ANKRD30B: variants seen among roughly 807,000 people sequenced by gnomAD.
The protein encoded by ANKRD30B is ankyrin repeat domain 30B, also known as ankyrin repeat domain-containing protein 30B.
In ANKRD30B, 144 loss-of-function variants were observed where a neutral mutation model predicts 202.2. The observed-to-expected ratio is 0.71, with a 90% CI of 0.62 to 0.82. The LOEUF is 0.82. ANKRD30B is among the 40% of genes least tolerant of loss of function. ANKRD30B has a pLI of 0.00. For synonymous variants in ANKRD30B, 508 were observed against 561.3 expected (o/e 0.91, Z 1.34); for missense variants, 1,487 against 1,669.1 (o/e 0.89, Z 1.90).
chr18:14,876,047 A>C, the ANKRD30B span, among the ~76,000 whole-genome samples: 1 of 152,262 alleles, frequency 6.6e-6, no homozygotes, highest in East Asian at 1.9e-4. Context: ...GAGCAAGCCA[A>C]GTGTGCTTTG....
rs756862721 is a variant in ANKRD30B at position 14,763,673 on chromosome 18, G to A, written c.821-13G>A. 91 of 1,612,598 alleles carry A rather than the reference G, an allele frequency of 5.6e-5. No individual in the cohort carries two copies. The highest frequency in any genetic ancestry group is 6.5e-5 in the Non-Finnish European group (77 of 1,179,502). ...AGCAGAAAGAAAATTTAACCAGATT[G>A]TGTGTTTGGCAGAAGGAACATCTAC... On this transcript the variant is annotated splice_polypyrimidine_tract_variant and intron_variant, in intron 6 of 43. Transcript: ENST00000690538.
chr18:14,935,737 G>A, the ANKRD30B span, among the ~76,000 whole-genome samples: 1 of 152,214 alleles, frequency 6.6e-6, no homozygotes, highest in Non-Finnish European at 1.5e-5. Context: ...ACACGTGTAT[G>A]TGTGCATCTG....
chr18:14,835,316 A>C (rs1338527698), intron 34 of ANKRD30B, among the ~76,000 whole-genome samples: 1 of 151,510 alleles, frequency 6.6e-6, no homozygotes, highest in Non-Finnish European at 1.5e-5. Context: ...AGTATTTGTC[A>C]ATTGTTTTAA....
the ANKRD30B span, among the ~76,000 whole-genome samples, chr18:14,933,483 G>C: frequency 2.6e-5 from 4 of 152,102 alleles, no homozygotes; most frequent in African/African-American, 9.7e-5. Flanking sequence ...GGTGGGAGCT[G>C]GGACTGCAGG....
chr18:14,929,292 T>C, the ANKRD30B span, among the ~76,000 whole-genome samples: 6,618 of 152,224 alleles, frequency 0.043, 487 homozygotes, highest in African/African-American at 0.15. Flanking sequence ...CTCAACTGTC[T>C]CTCTTGTGTG....
chr18:14,753,265 C>T (rs1393774014), intron 3 of ANKRD30B, among the ~76,000 whole-genome samples: 1 of 152,032 alleles, frequency 6.6e-6, no homozygotes, highest in African/African-American at 2.4e-5. Context: ...TTCTTTCCTA[C>T]CCAAGGTTTT....
chr18:14,845,603 A>G (rs1971606974), intron 39 of ANKRD30B, among the ~76,000 whole-genome samples: 1 of 151,540 alleles, frequency 6.6e-6, no homozygotes, highest in South Asian at 2.1e-4. Context: ...GATCCTCTCA[A>G]AGTGTTTGGT....
chr18:14,808,279 T>A (rs943143974), intron 24 of ANKRD30B: 5 of 441,120 alleles, frequency 1.1e-5, no homozygotes, highest in African/African-American at 8.1e-5. Context: ...GTATTAGGAT[T>A]TTTCTACTTT....
chr18:14,840,603 G>A lies in ANKRD30B; in HGVS notation c.3004G>A (p.Asp1002Asn). The A allele has an allele frequency of 6.7e-7, 1 of 1,486,448 alleles. No individual in the cohort carries two copies. Among genetic ancestry groups the A allele is most frequent in the Non-Finnish European group, 9.1e-7 (1 of 1,101,182 alleles). The allele number at this position is 1,486,448 out of a possible 1,614,324, so 92.1% of individuals were successfully genotyped here. A position where few individuals can be genotyped will look rare whatever the true frequency, so the allele number is the denominator to read the frequency against. ...TCTTTAACAGATTATCTCTGTGAGTGATACACAGAATTATGAGTGTTTACC... is the reference window on the plus strand; with the variant it reads ...TCTTTAACAGATTATCTCTGTGAGTAATACACAGAATTATGAGTGTTTACC... ...TSDSEIISVSDTQNYECLPEA... is the reference protein window; with the variant it reads ...TSDSEIISVSNTQNYECLPEA... Residue 1002 changes from aspartate to asparagine, a missense_variant, in exon 37 of 44, where the codon GAT (aspartate) becomes AAT (asparagine). Physicochemically the swap from Asp to Asn is conservative, Grantham distance 23. Coordinates refer to ENST00000690538, the MANE Select transcript of ANKRD30B (RefSeq NM_001367607.2).
At chr18:14,931,284 G>A in the ANKRD30B span, among the ~76,000 whole-genome samples, 1 of 152,184 alleles carries the variant, frequency 6.6e-6, no homozygotes, top group Non-Finnish European at 1.5e-5. Context: ...GTGTCCTAGA[G>A]TGGAAATGTG....
chr18:14,811,507 G>A (rs1387907501), intron 28 of ANKRD30B, among the ~76,000 whole-genome samples: 2 of 149,798 alleles, frequency 1.3e-5, no homozygotes, highest in African/African-American at 2.5e-5. Context: ...CACCGCGCCC[G>A]GCCCAGAGTC....
intron 1 of ANKRD30B, among the ~76,000 whole-genome samples, chr18:14,749,670 CAAAAAAAAAAAAAAA>C (rs55960708): frequency 4.9e-5 from 3 of 61,196 alleles, no homozygotes; most frequent in East Asian, 6.7e-4. Flanking sequence ...GACTCTGTCT[CAAAAAAAAAAAAAAA>C]AAAAAAAAAA....
chr18:14,794,045 A>G (rs192280872), intron 16 of ANKRD30B, among the ~76,000 whole-genome samples: 2,433 of 152,260 alleles, frequency 0.016, 71 homozygotes, highest in African/African-American at 0.056. Flanking sequence ...TTAGAAATTA[A>G]AAGTGAAGTA....
Position 14,851,972 on chromosome 18 carries a change from A to G in ANKRD30B, c.4028A>G (p.Tyr1343Cys), listed in dbSNP as rs989257544. Reference protein sequence around the residue: ...IMNVDVSNTIYNNEVLHQPLY... With the variant: ...IMNVDVSNTICNNEVLHQPLY... ...AATGTTGATGTGAGTAATACAATAT[A>G]TAACAATGAGGTGCTCCATCAACCA... is the stretch of plus-strand genomic sequence containing the variant. Residue 1343 changes from tyrosine to cysteine, a missense_variant, in exon 42 of 44, where the codon TAT (tyrosine) becomes TGT (cysteine). Tyr to Cys is a radical substitution (Grantham distance 194). This residue lies in a region of ANKRD30B where 182 missense variants were observed against 216.0 expected (regional missense o/e 0.84). Coordinates refer to ENST00000690538, the MANE Select transcript of ANKRD30B (RefSeq NM_001367607.2). 11 of 1,601,486 alleles carry G rather than the reference A, an allele frequency of 6.9e-6. No homozygotes were observed. The highest frequency in any genetic ancestry group is 8.5e-6 in the Non-Finnish European group (10 of 1,172,826).
At chr18:14,914,808 G>A in the ANKRD30B span, among the ~76,000 whole-genome samples, 1 of 152,134 alleles carries the variant, frequency 6.6e-6, no homozygotes, top group Non-Finnish European at 1.5e-5. Flanking sequence ...TCGTGTTTTA[G>A]GTCTCTTGAA....
Position 14,780,445 on chromosome 18 carries a change from C to CA in ANKRD30B, c.1482+434dup, listed in dbSNP as rs371215822. Among the ~76,000 whole-genome samples, 562 of 141,600 alleles carry CA rather than the reference C, an allele frequency of 4.0e-3. 5 individuals are homozygous for CA. Among genetic ancestry groups the CA allele is most frequent in the African/African-American group, 0.013 (490 of 38,130 alleles). 92.9% of individuals were successfully genotyped at this position (141,600 alleles called of 152,430 possible). A position where few individuals can be genotyped will look rare whatever the true frequency, so the allele number is the denominator to read the frequency against. On this transcript the variant is annotated intron_variant, in intron 11 of 43. Transcript: ENST00000690538. ...GGGTGACAGAGTGAGACTCTGTCTC[C>CA]AAAAAAAAAATACTTAAAAAAAATC...
At chr18:14,867,181 C>T in the ANKRD30B span, among the ~76,000 whole-genome samples, 1 of 149,922 alleles carries the variant, frequency 6.7e-6, no homozygotes, top group South Asian at 2.1e-4. Flanking sequence ...CTGCAACACC[C>T]GTGGCAGGGA....
chr18:14,937,899 C>T, the ANKRD30B span, among the ~76,000 whole-genome samples: 1 of 152,172 alleles, frequency 6.6e-6, no homozygotes, highest in African/African-American at 2.4e-5. Flanking sequence ...GTGACTGCCC[C>T]CACAAACTGT....
At chr18:14,911,223 C>T in the ANKRD30B span, among the ~76,000 whole-genome samples, 2 of 151,794 alleles carry the variant, frequency 1.3e-5, no homozygotes, top group African/African-American at 4.8e-5. Flanking sequence ...AAGAGTTTTT[C>T]CTAGATTTTC....
Sources: gnomAD v4.1 joint callset for allele counts (sites outside exome capture counted in the v4.1 genomes callset) on GRCh38, gnomAD v4.1.1 for gene constraint, gnomAD v4.1.1 regional missense constraint, MANE v1.5 for transcripts, NCBI Gene and HGNC (gene_info 2026-07-23, HGNC 2026-07-21) for gene names.